LRRTM4: variants seen among roughly 807,000 people sequenced by gnomAD.
The protein encoded by LRRTM4 is leucine-rich repeat transmembrane neuronal protein 4.
A neutral mutation model predicts 47.6 loss-of-function variants in LRRTM4; 25 were observed. The observed-to-expected ratio is 0.53, with a 90% CI of 0.38 to 0.73. The LOEUF (loss-of-function observed/expected upper bound fraction) is 0.73. LRRTM4 is among the 30% of genes least tolerant of loss of function. The pLI is 0.00. For synonymous variants in LRRTM4, 311 were observed against 269.5 expected (o/e 1.15, Z -1.51); for missense variants, 638 against 713.4 (o/e 0.89, Z 1.20).
intron 3 of LRRTM4, among the ~76,000 whole-genome samples, chr2:77,221,285 A>C (rs1674623629): frequency 1.3e-5 from 2 of 152,234 alleles, no homozygotes; most frequent in Non-Finnish European, 2.9e-5. Context: ...GGCTAGGAAG[A>C]AACTGCATCA....
chr2:77,255,334 T>C (rs1675735445), intron 3 of LRRTM4, among the ~76,000 whole-genome samples: 1 of 151,932 alleles, frequency 6.6e-6, no homozygotes, highest in Admixed American at 6.6e-5. Context: ...ATTCTTCCAC[T>C]CCCATCTCTC....
chr2:76,906,888 A>G (rs1558729464), intron 3 of LRRTM4, among the ~76,000 whole-genome samples: 2 of 151,538 alleles, frequency 1.3e-5, no homozygotes, highest in Non-Finnish European at 2.9e-5. Flanking sequence ...ACTCCCACAC[A>G]ATAATAATGG....
chr2:76,948,997 T>A (rs543922282), intron 3 of LRRTM4, among the ~76,000 whole-genome samples: 2 of 152,034 alleles, frequency 1.3e-5, no homozygotes, highest in South Asian at 4.1e-4. Context: ...ATATTTGTTT[T>A]AAATGACTGA....
intron 3 of LRRTM4, among the ~76,000 whole-genome samples, chr2:77,263,610 T>C (rs1675974937): frequency 6.6e-6 from 1 of 152,154 alleles, no homozygotes; most frequent in Non-Finnish European, 1.5e-5. Context: ...ACATTTGGTA[T>C]CAGAAGTAAA....
intron 3 of LRRTM4, among the ~76,000 whole-genome samples, chr2:76,765,957 GAT>G (rs1673437803): frequency 6.6e-6 from 1 of 152,192 alleles, no homozygotes; most frequent in African/African-American, 2.4e-5. Context: ...TTGAAAGAGA[GAT>G]GAGTGAAATT....
intron 3 of LRRTM4, among the ~76,000 whole-genome samples, chr2:77,340,704 A>G (rs151147766): frequency 6.6e-6 from 1 of 151,924 alleles, no homozygotes; most frequent in African/African-American, 2.4e-5. Flanking sequence ...TTGATTTATC[A>G]TTTATTGAGC....
intron 3 of LRRTM4, among the ~76,000 whole-genome samples, chr2:77,160,395 T>C (rs1404832637): frequency 3.3e-5 from 5 of 152,188 alleles, no homozygotes; most frequent in Admixed American, 6.6e-5. Flanking sequence ...GATCTTCTGA[T>C]CTAGAGGCTA....
chr2:76,788,525 A>AG, intron 3 of LRRTM4, among the ~76,000 whole-genome samples: 1 of 152,328 alleles, frequency 6.6e-6, no homozygotes, highest in Non-Finnish European at 1.5e-5. Context: ...GTGTAGACTT[A>AG]GCAGAGGCTG....
intron 3 of LRRTM4, among the ~76,000 whole-genome samples, chr2:77,162,128 T>A (rs1672746294): frequency 6.6e-6 from 1 of 152,188 alleles, no homozygotes; most frequent in African/African-American, 2.4e-5. Context: ...ACCCTAATAC[T>A]GTGCTTTTCC....
At chr2:77,214,296 T>C (rs1368963510) in intron 3 of LRRTM4, among the ~76,000 whole-genome samples, 1 of 152,160 alleles carries the variant, frequency 6.6e-6, no homozygotes, top group East Asian at 1.9e-4. Flanking sequence ...TATTACTTAT[T>C]AATTGCTTGG....
intron 3 of LRRTM4, among the ~76,000 whole-genome samples, chr2:76,990,291 C>T (rs1025394662): frequency 1.3e-5 from 2 of 151,740 alleles, no homozygotes; most frequent in Admixed American, 6.6e-5. Flanking sequence ...ATGATTAGGT[C>T]AAAACCTAAT....
intron 3 of LRRTM4, among the ~76,000 whole-genome samples, chr2:77,274,191 G>A (rs1297720623): frequency 1.3e-5 from 2 of 151,820 alleles, no homozygotes; most frequent in Non-Finnish European, 2.9e-5. Flanking sequence ...TGGCAACCAG[G>A]CAAGATATTT....
intron 3 of LRRTM4, among the ~76,000 whole-genome samples, chr2:77,143,940 T>C (rs897684984): frequency 3.9e-5 from 6 of 152,176 alleles, no homozygotes; most frequent in Admixed American, 3.9e-4. Context: ...ATATAACTTA[T>C]TTTTGGGGGA....
At chr2:77,336,616 A>G (rs2104264803) in intron 3 of LRRTM4, among the ~76,000 whole-genome samples, 1 of 152,316 alleles carries the variant, frequency 6.6e-6, no homozygotes, top group African/African-American at 2.4e-5. Context: ...GCAAAAAGCT[A>G]TATGCTTATC....
chr2:76,964,363 G>A (rs1455208282), intron 3 of LRRTM4, among the ~76,000 whole-genome samples: 2 of 150,912 alleles, frequency 1.3e-5, no homozygotes, highest in African/African-American at 4.8e-5. Flanking sequence ...AATATGTGGA[G>A]GAAATAATTT....
chr2:77,303,328 C>T (rs1279453629), intron 3 of LRRTM4, among the ~76,000 whole-genome samples: 1 of 152,094 alleles, frequency 6.6e-6, no homozygotes, highest in Non-Finnish European at 1.5e-5. Context: ...TTGATTGTCA[C>T]AGGTTGATTA....
At chr2:77,167,760 T>C (rs886633868) in intron 3 of LRRTM4, among the ~76,000 whole-genome samples, 9 of 151,960 alleles carry the variant, frequency 5.9e-5, no homozygotes, top group African/African-American at 2.2e-4. Flanking sequence ...AATGAGAACA[T>C]TTGGACACAG....
intron 3 of LRRTM4, among the ~76,000 whole-genome samples, chr2:76,833,841 A>G (rs1354674742): frequency 2.6e-5 from 4 of 151,642 alleles, no homozygotes; most frequent in African/African-American, 7.2e-5. Flanking sequence ...TACCTTATAT[A>G]CTGTGCTATT....
chr2:76,801,776 G>T (rs183226538), intron 3 of LRRTM4, among the ~76,000 whole-genome samples: 1 of 151,984 alleles, frequency 6.6e-6, no homozygotes, highest in Non-Finnish European at 1.5e-5. Context: ...CATTCACCAC[G>T]ATCAAATGAG....
Sources: allele counts gnomAD v4.1 joint callset (sites outside exome capture counted in the v4.1 genomes callset), GRCh38; gene constraint gnomAD v4.1.1; transcripts MANE v1.5; gene names NCBI Gene and HGNC (gene_info 2026-07-23, HGNC 2026-07-21).